The following TUSC3 variants were observed in gnomAD, a reference collection of about 807,000 sequenced individuals.
The protein encoded by TUSC3 is dolichyl-diphosphooligosaccharide--protein glycosyltransferase subunit TUSC3.
A neutral mutation model predicts 44.8 loss-of-function variants in TUSC3; 45 were observed. That is an observed-to-expected ratio of 1.00 (90% CI 0.79 to 1.29). The LOEUF is 1.29. TUSC3 is among the 50% of genes most tolerant of loss of function. TUSC3 has a pLI of 0.00. For synonymous variants in TUSC3, 212 were observed against 152.9 expected, an observed-to-expected ratio of 1.39 and a Z score of -2.85; for missense variants, 519 against 437.9, an observed-to-expected ratio of 1.19 and a Z score of -1.65.
chr8:15,589,409 T>A (rs1282772632), intron 1 of TUSC3, among the ~76,000 whole-genome samples: 1 of 146,962 alleles, frequency 6.8e-6, no homozygotes, highest in African/African-American at 2.7e-5. Flanking sequence ...AGGTTAAGAT[T>A]AGCATGTGGA....
intron 9 of TUSC3, among the ~76,000 whole-genome samples, chr8:15,753,178 T>TATCTG (rs1427046339): frequency 1.3e-5 from 2 of 152,194 alleles, no homozygotes; most frequent in African/African-American, 4.8e-5. Flanking sequence ...TGTTCTTTCT[T>TATCTG]ATCTGAATTT....
intron 10 of TUSC3, among the ~76,000 whole-genome samples, chr8:15,762,558 C>T (rs1042001152): frequency 2.0e-5 from 3 of 152,014 alleles, no homozygotes; most frequent in Admixed American, 6.6e-5. Context: ...GGGGTAATAT[C>T]GTTAGCAGCA....
chr8:15,683,197 C>G (rs927992523), intron 6 of TUSC3, among the ~76,000 whole-genome samples: 1 of 152,158 alleles, frequency 6.6e-6, no homozygotes, highest in African/African-American at 2.4e-5. Context: ...TTTCATTTCT[C>G]TAGCGAGATT....
chr8:15,740,446 A>G (rs932224362), intron 7 of TUSC3, among the ~76,000 whole-genome samples: 3 of 151,970 alleles, frequency 2.0e-5, no homozygotes, highest in African/African-American at 4.8e-5. Context: ...ACTTCAGTCA[A>G]TTCGTATCTG....
At chr8:15,844,559 T>C in the TUSC3 span, among the ~76,000 whole-genome samples, 3 of 152,188 alleles carry the variant, frequency 2.0e-5, no homozygotes, top group Non-Finnish European at 4.4e-5. Context: ...AACTCAGATT[T>C]ATGTTACTTT....
intron 2 of TUSC3, among the ~76,000 whole-genome samples, chr8:15,492,247 T>A (rs1005450437): frequency 3.7e-4 from 56 of 152,048 alleles, no homozygotes; most frequent in Non-Finnish European, 1.0e-4. Context: ...GCGATGGGAG[T>A]TAGCACGAAC....
At chr8:15,528,367 C>G (rs1241738213) in intron 2 of TUSC3, among the ~76,000 whole-genome samples, 1 of 152,140 alleles carries the variant, frequency 6.6e-6, no homozygotes, top group Non-Finnish European at 1.5e-5. Context: ...ATATAGTTTA[C>G]TCATTAATTT....
chr8:15,585,583 G>T (rs917604436), intron 1 of TUSC3, among the ~76,000 whole-genome samples: 4 of 152,284 alleles, frequency 2.6e-5, no homozygotes, highest in East Asian at 3.9e-4. Context: ...TGAATTTCTT[G>T]TAGCTCCACC....
intron 5 of TUSC3, among the ~76,000 whole-genome samples, chr8:15,664,438 T>TTATTATTATTATTATTATTAA (rs1807566204): frequency 4.0e-3 from 1 of 252 alleles, no homozygotes; most frequent in Non-Finnish European, 9.3e-3. Flanking sequence ...TTATACAGAT[T>TTATTATTATTATTATTATTAA]TATTATTATT....
At chr8:15,438,432 G>T (rs533135640) in intron 1 of TUSC3, among the ~76,000 whole-genome samples, 1 of 147,960 alleles carries the variant, frequency 6.8e-6, no homozygotes, top group African/African-American at 2.5e-5. Flanking sequence ...TGCATATAAA[G>T]TATGTGCATG....
chr8:15,559,078 C>G (rs1450932701), intron 1 of TUSC3, among the ~76,000 whole-genome samples: 4 of 145,112 alleles, frequency 2.8e-5, no homozygotes, highest in African/African-American at 7.6e-5. Flanking sequence ...TTTTCTAGTT[C>G]TTTTAATTGT....
At chr8:15,488,887 A>C (rs1800769967) in intron 2 of TUSC3, among the ~76,000 whole-genome samples, 1 of 152,182 alleles carries the variant, frequency 6.6e-6, no homozygotes, top group Non-Finnish European at 1.5e-5. Context: ...AGCATCCCAA[A>C]TTGACTAAAA....
the TUSC3 span, among the ~76,000 whole-genome samples, chr8:15,817,301 T>C: frequency 6.6e-6 from 1 of 151,820 alleles, no homozygotes; most frequent in Non-Finnish European, 1.5e-5. Flanking sequence ...TCCACCACCT[T>C]AGAACTTTGA....
rs566124306 is a variant in TUSC3, at chr8:15,643,760, A to C, written c.309-6937A>C. 7.2e-5 allele frequency among the ~76,000 whole-genome samples: 11 copies of C among 152,308 alleles called. No individual in the cohort carries two copies. The East Asian group carries it at 1.9e-3, about 27-fold the overall frequency. On this transcript the variant is annotated intron_variant, in intron 2 of 10. Transcript: ENST00000503731. ...TGAATTCAGCTGGGCCCTGATATGT[A>C]TAGCGCAACCAGAGGAGCAACTGTG...
chr8:15,654,358 G>T (rs777624126), intron 3 of TUSC3, among the ~76,000 whole-genome samples: 1 of 152,096 alleles, frequency 6.6e-6, no homozygotes, highest in African/African-American at 2.4e-5. Flanking sequence ...TTTAAGGAAC[G>T]TTGCTAAATG....
intron 1 of TUSC3, among the ~76,000 whole-genome samples, chr8:15,458,869 G>A (rs917171206): frequency 6.6e-6 from 1 of 152,120 alleles, no homozygotes; most frequent in Non-Finnish European, 1.5e-5. Flanking sequence ...AGCTTTACAG[G>A]TGGCAAAGTA....
At chr8:15,578,816 G>A (rs1803211739) in intron 1 of TUSC3, among the ~76,000 whole-genome samples, 1 of 152,062 alleles carries the variant, frequency 6.6e-6, no homozygotes, top group Admixed American at 6.6e-5. Flanking sequence ...GTATCAGAAT[G>A]ATGCTGGCCC....
chr8:15,513,487 A>T (rs1441962117), intron 2 of TUSC3, among the ~76,000 whole-genome samples: 3 of 152,190 alleles, frequency 2.0e-5, no homozygotes, highest in Admixed American at 6.5e-5. Context: ...ATTATATTCA[A>T]AGTTTTCAGG....
intron 1 of TUSC3, among the ~76,000 whole-genome samples, chr8:15,563,777 T>G (rs913162485): frequency 2.6e-5 from 4 of 151,468 alleles, no homozygotes; most frequent in Admixed American, 1.3e-4. Context: ...AGTTCTTAAA[T>G]TGCATGATAC....
Sources: allele counts gnomAD v4.1 joint callset (sites outside exome capture counted in the v4.1 genomes callset), GRCh38; gene constraint gnomAD v4.1.1; transcripts MANE v1.5; gene names NCBI Gene and HGNC (gene_info 2026-07-23, HGNC 2026-07-21).